The following TEX11 variants were observed in gnomAD, a reference collection of about 807,000 sequenced individuals.
TEX11 encodes the protein testis expressed 11.
A neutral mutation model predicts 84.4 loss-of-function variants in TEX11; 7 were observed. The observed-to-expected ratio is 0.08, with a 90% CI of 0.05 to 0.16. TEX11 has a LOEUF of 0.16. Ranked by LOEUF, TEX11 falls within the 10% of genes least tolerant of loss-of-function variation. TEX11 has a pLI of 1.00. For missense variants in TEX11, 551 were observed against 660.5 expected (o/e 0.83, Z 1.82); for synonymous variants, 264 against 222.8 (o/e 1.18, Z -1.64).
intron 25 of TEX11, among the ~76,000 whole-genome samples, chrX:70,564,754 A>G (rs1256572802): frequency 3.7e-5 from 4 of 108,804 alleles, no homozygotes; most frequent in Non-Finnish European, 7.7e-5. Context: ...TTATGGCTGC[A>G]TAGTATTCCA....
intron 8 of TEX11, among the ~76,000 whole-genome samples, chrX:70,823,376 G>A (rs1269156860): frequency 9.1e-6 from 1 of 110,074 alleles, no homozygotes; most frequent in Non-Finnish European, 1.9e-5. Context: ...TTGTATAGGT[G>A]ATTTTTTTCT....
At chrX:70,747,755 TA>T (rs1156529312) in intron 9 of TEX11, among the ~76,000 whole-genome samples, 3 of 111,411 alleles carry the variant, frequency 2.7e-5, no homozygotes, top group African/African-American at 9.7e-5. Flanking sequence ...TAGAAATTAT[TA>T]TTTTTTTATA....
At chrX:70,671,717 T>C (rs1486049053) in intron 15 of TEX11, among the ~76,000 whole-genome samples, 1 of 108,346 alleles carries the variant, frequency 9.2e-6, no homozygotes, top group Non-Finnish European at 1.9e-5. Context: ...GGATTCTCTT[T>C]CCTTCTCTTG....
intron 13 of TEX11, among the ~76,000 whole-genome samples, chrX:70,716,437 C>T (rs1397261542): frequency 1.8e-5 from 2 of 110,241 alleles, no homozygotes; most frequent in African/African-American, 3.3e-5. Context: ...GTGGGCTCCA[C>T]CCAGTTCGAG....
At chrX:70,906,459 T>C (rs1240589965) in intron 2 of TEX11, among the ~76,000 whole-genome samples, 1 of 110,603 alleles carries the variant, frequency 9.0e-6, no homozygotes, top group African/African-American at 3.3e-5. Context: ...AAACTTAAAG[T>C]AGATAGTAGC....
chrX:70,761,501 A>G (rs1186650263), intron 9 of TEX11, among the ~76,000 whole-genome samples: 1 of 111,856 alleles, frequency 8.9e-6, no homozygotes, highest in African/African-American at 3.2e-5. Flanking sequence ...TCAGCAAACT[A>G]TCACAAGGAC....
chrX:70,641,922 G>A (rs2089664986), intron 17 of TEX11, among the ~76,000 whole-genome samples: 1 of 111,343 alleles, frequency 9.0e-6, no homozygotes, highest in Non-Finnish European at 1.9e-5. Context: ...TAAGATCAGA[G>A]CAGAACTGAA....
At chrX:70,667,418 T>C (rs1233140469) in intron 16 of TEX11, among the ~76,000 whole-genome samples, 1 of 112,302 alleles carries the variant, frequency 8.9e-6, no homozygotes, top group African/African-American at 3.2e-5. Flanking sequence ...AAGGTTTTTA[T>C]ATATTTTGTT....
At chrX:70,843,679 A>G (rs1324298571) in intron 7 of TEX11, among the ~76,000 whole-genome samples, 3 of 111,500 alleles carry the variant, frequency 2.7e-5, no homozygotes, top group African/African-American at 9.8e-5. Flanking sequence ...GCAACCTACA[A>G]AATGGGAGAA....
chrX:70,736,957 A>T (rs2090700690), intron 11 of TEX11, among the ~76,000 whole-genome samples: 1 of 112,008 alleles, frequency 8.9e-6, no homozygotes, highest in Admixed American at 9.5e-5. Flanking sequence ...TTACAAAAAT[A>T]TCCAGCAGCC....
intron 9 of TEX11, among the ~76,000 whole-genome samples, chrX:70,782,001 C>A (rs768247253): frequency 9.0e-6 from 1 of 110,800 alleles, no homozygotes; most frequent in Non-Finnish European, 1.9e-5. Context: ...AGAGCAACCA[C>A]AAGACACATA....
intron 13 of TEX11, among the ~76,000 whole-genome samples, chrX:70,720,281 A>G (rs1182331472): frequency 2.7e-5 from 3 of 111,120 alleles, no homozygotes; most frequent in African/African-American, 6.5e-5. Flanking sequence ...AAAAAACCAA[A>G]CACTGCATGT....
downstream of TEX11, among the ~76,000 whole-genome samples, chrX:70,526,101 G>A (rs1006877735): frequency 8.9e-6 from 1 of 111,805 alleles, no homozygotes; most frequent in Admixed American, 9.5e-5. Context: ...TCAGGTTGGT[G>A]AGGTTAGGGC....
At chrX:70,545,669 T>C (rs1172413559) in intron 28 of TEX11, among the ~76,000 whole-genome samples, 1 of 112,594 alleles carries the variant, frequency 8.9e-6, no homozygotes, top group Non-Finnish European at 1.9e-5. Context: ...ATTTGTTATA[T>C]CATTAACAAG....
chrX:70,586,498 G>A (rs1287231771), intron 25 of TEX11, among the ~76,000 whole-genome samples: 1 of 110,928 alleles, frequency 9.0e-6, no homozygotes, highest in Non-Finnish European at 1.9e-5. Flanking sequence ...TTTAAATATG[G>A]GCAAAGAACT....
At chrX:70,832,133 T>C (rs929751214) in intron 8 of TEX11, among the ~76,000 whole-genome samples, 7 of 111,454 alleles carry the variant, frequency 6.3e-5, no homozygotes, top group Non-Finnish European at 1.3e-4. Context: ...GAACATAGAA[T>C]TTCTTCTGTG....
chrX:70,840,130 A>G (rs765151839), intron 7 of TEX11, among the ~76,000 whole-genome samples: 5 of 111,269 alleles, frequency 4.5e-5, no homozygotes, highest in Non-Finnish European at 9.4e-5. Flanking sequence ...TACAGAGAAC[A>G]CCACAAAGAT....
chrX:70,613,612 A>C (rs757463863), intron 20 of TEX11, among the ~76,000 whole-genome samples: 25 of 111,586 alleles, frequency 2.2e-4, no homozygotes, highest in Non-Finnish European at 4.1e-4. Context: ...ATAAACTTGA[A>C]AGACAGTCTA....
Position 70,853,278 on chromosome X carries a change from G to C in TEX11, c.375C>G (p.Ile125Met), listed in dbSNP as rs770843069. ...CAGCAGCTTGAAAACATTCATCAGC[G>C]ATTAGAAAATTTCCAGCATCCAACC... ...KEWLDAGNFL[I>M]ADECFQAAVA... is the part of the protein sequence containing the mutation. Residue 125 changes from isoleucine to methionine, a missense_variant, in exon 6 of 30, where the codon ATC becomes ATG. Coordinates refer to ENST00000374333, the MANE Select transcript of TEX11 (RefSeq NM_031276.3). The C allele has an allele frequency of 3.7e-5, 45 of 1,207,725 alleles. No homozygotes were observed. The highest frequency in any genetic ancestry group is 7.0e-5 in the South Asian group (4 of 56,741).
Sources: allele counts gnomAD v4.1 joint callset (sites outside exome capture counted in the v4.1 genomes callset), GRCh38; gene constraint gnomAD v4.1.1; transcripts MANE v1.5; gene names NCBI Gene and HGNC (gene_info 2026-07-23, HGNC 2026-07-21).